RGP1: variants seen among roughly 807,000 people sequenced by gnomAD.
The protein encoded by RGP1 is RAB6A-GEF complex partner protein 2.
RGP1 carries 28 observed loss-of-function variants against 44.5 expected under a neutral mutation model. The observed-to-expected ratio is 0.63, with a 90% CI of 0.47 to 0.86. The LOEUF (loss-of-function observed/expected upper bound fraction) is 0.86, where lower values mean the gene tolerates loss of function less well. Ranked by LOEUF, RGP1 falls within the 40% of genes least tolerant of loss-of-function variation. The probability of loss-of-function intolerance (pLI) is 0.00; values close to 1 mark genes in which losing one functional copy is unlikely to be tolerated. For synonymous variants in RGP1, 212 were observed against 196.7 expected (o/e 1.08, Z -0.65); for missense variants, 417 against 490.7 (o/e 0.85, Z 1.42).
At chr9:35,763,445 A>G (rs536364334), downstream of RGP1, among the ~76,000 whole-genome samples, 13 of 152,358 alleles carry the variant, frequency 8.5e-5, no homozygotes, top group East Asian at 2.5e-3. Context: ...TTAATCAGGC[A>G]TGACAAGAAG....
chr9:35,750,441 C>T (rs1827229126), intron 3 of RGP1, 62 bp downstream of exon 3: 3 of 1,567,898 alleles, frequency 1.9e-6, no homozygotes, highest in African/African-American at 1.4e-5. Context: ...GAGGCATTGT[C>T]ACCCATGGGT....
rs1827269372 is a variant in RGP1 at position 35,751,762 on chromosome 9, G to A, written c.762+8G>A. ...ACCGTAGCTTGTTTGCAGGTAAGAA[G>A]GGAGCAGAGCTTCTTACCTGCTGGG... On this transcript the variant is annotated splice_region_variant and intron_variant, in intron 7 of 8. Transcript: ENST00000378078. 1 of 1,613,772 alleles carries A rather than the reference G, an allele frequency of 6.2e-7. No individual in the cohort carries two copies. Among genetic ancestry groups the A allele is most frequent in the African/African-American group, 1.3e-5 (1 of 74,890 alleles).
At position 35,749,706 on chromosome 9, in the gene RGP1, C is replaced by T. The variant is rs761233194; in HGVS notation, c.-19-31C>T. On this transcript the variant is annotated intron_variant, in intron 1 of 8. Coordinates refer to ENST00000378078, the MANE Select transcript of RGP1 (RefSeq NM_001080496.3). The surrounding 1 kb of genome is among the most constrained non-coding windows in gnomAD (Gnocchi z 4.4). ...CGCAACGCCCCTCCCTGTCAAGGTGCTGACCTCCGCCCCGCCTTGTTTCCT... is the reference window on the plus strand; with the variant it reads ...CGCAACGCCCCTCCCTGTCAAGGTGTTGACCTCCGCCCCGCCTTGTTTCCT... 1 of 1,370,822 alleles carries T rather than the reference C, an allele frequency of 7.3e-7. No homozygotes were observed. The highest frequency in any genetic ancestry group is 1.0e-6 in the Non-Finnish European group (1 of 966,804). 84.9% of individuals were successfully genotyped at this position (1,370,822 alleles called of 1,614,324 possible).
At chr9:35,780,075 C>T in the RGP1 span, among the ~76,000 whole-genome samples, 26 of 152,284 alleles carry the variant, frequency 1.7e-4, no homozygotes, top group East Asian at 4.8e-3. Flanking sequence ...AACAGGTTGG[C>T]ATGGTCTGTC....
chr9:35,750,884 C>A lies in RGP1; in HGVS notation c.382C>A (p.Arg128=), dbSNP rs373690510. The A allele has an allele frequency of 2.0e-5, 33 of 1,613,890 alleles. No individual in the cohort carries two copies. In the South Asian group the frequency reaches 3.4e-4, roughly 17 times the overall value. ...GCCCATAGAGGGACCACCCTCCTTT[C>A]GGGGTCAGTCAGTCAAGTACGTCTA... ...VLPIEGPPSF[R]GQSVKYVYKL... is the part of the protein sequence containing the mutation. The change falls in exon 5 of 9, where the codon CGG becomes AGG. Residue 128 remains arginine (R), a synonymous_variant. Coordinates refer to ENST00000378078, the MANE Select transcript of RGP1 (RefSeq NM_001080496.3).
rs1345932316 is a variant in RGP1, at chr9:35,752,885, C to G, written c.*11C>G. Reference sequence around the variant, plus strand: ...ACCATAACCATCTGAAACTGGCCCACCCTGGTGCTAGTTCCTTCCGGATAC... The same window carrying G: ...ACCATAACCATCTGAAACTGGCCCAGCCTGGTGCTAGTTCCTTCCGGATAC... On this transcript the variant is annotated 3_prime_UTR_variant, in exon 9 of 9. Coordinates refer to ENST00000378078, the MANE Select transcript of RGP1 (RefSeq NM_001080496.3). 1.2e-6 allele frequency: 2 copies of G among 1,611,894 alleles called. No homozygotes were observed. The highest frequency in any genetic ancestry group is 2.7e-5 in the African/African-American group (2 of 75,000).
intron 5 of RGP1, 93 bp from the exon 6 acceptor site, chr9:35,751,173 C>G (rs1170180230): frequency 1.3e-6 from 2 of 1,521,938 alleles, no homozygotes; most frequent in Non-Finnish European, 1.8e-6. Flanking sequence ...CACCCCTTAC[C>G]TTTAGCCATC....
chr9:35,783,543 T>G, the RGP1 span, among the ~76,000 whole-genome samples: 2 of 152,174 alleles, frequency 1.3e-5, no homozygotes, highest in Non-Finnish European at 2.9e-5. Context: ...TTTGTTTTTT[T>G]TTTTAGATTC....
Position 35,751,346 on chromosome 9 carries a change from A to G in RGP1, c.568A>G (p.Lys190Glu), listed in dbSNP as rs1248307873. Reference sequence around the variant, plus strand: ...CTTGGAGGAGGATGAAGGTGGGAAGAAAGATTCATGGCTAGCTGAGCTGGC... The same window carrying G: ...CTTGGAGGAGGATGAAGGTGGGAAGGAAGATTCATGGCTAGCTGAGCTGGC... ...PFLEEDEGGKKDSWLAELAGE... is the reference protein window; with the variant it reads ...PFLEEDEGGKEDSWLAELAGE... Residue 190 changes from lysine (K) to glutamate (E), a missense_variant, in exon 6 of 9, where the codon AAA becomes GAA. Lys to Glu is a moderately conservative substitution (Grantham distance 56, BLOSUM62 1). Transcript: ENST00000378078. The G allele has an allele frequency of 8.1e-6, 13 of 1,613,996 alleles. No individual in the cohort carries two copies. The highest frequency in any genetic ancestry group is 1.1e-5 in the Non-Finnish European group (13 of 1,179,886).
At chr9:35,770,343 G>T in the RGP1 span, among the ~76,000 whole-genome samples, 1 of 152,178 alleles carries the variant, frequency 6.6e-6, no homozygotes, top group South Asian at 2.1e-4. Flanking sequence ...TTGTTTGGAT[G>T]TTGAGTTCAA....
the RGP1 span, among the ~76,000 whole-genome samples, chr9:35,787,487 C>T: frequency 6.6e-6 from 1 of 152,216 alleles, no homozygotes; most frequent in Non-Finnish European, 1.5e-5. Context: ...GCCTTGGCCT[C>T]CCAAAGTGCT....
the RGP1 span, among the ~76,000 whole-genome samples, chr9:35,772,739 C>G: frequency 6.7e-6 from 1 of 148,442 alleles, no homozygotes; most frequent in Admixed American, 6.8e-5. Flanking sequence ...TGCAGTGAGC[C>G]GAGATCGGAC....
downstream of RGP1, among the ~76,000 whole-genome samples, chr9:35,761,567 G>T (rs533306076): frequency 5.6e-3 from 857 of 152,184 alleles, 11 homozygotes; most frequent in African/African-American, 0.02. Flanking sequence ...TCGGCTACTT[G>T]GGAGGCTCAG....
rs533715623 is a variant in RGP1 at position 35,756,504 on chromosome 9, G to C, written c.*3630G>C. ...TGCCAAGAAAAAACTCACAGTTGAG[G>C]CAGGGTGCTCTGAGGTCGGCTGCGG... On this transcript the variant is annotated 3_prime_UTR_variant, in exon 9 of 9. Coordinates refer to ENST00000378078, the MANE Select transcript of RGP1 (RefSeq NM_001080496.3). 6.5e-6 allele frequency: 1 copy of C among 152,898 alleles called. No homozygotes were observed. The highest frequency in any genetic ancestry group is 2.1e-4 in the South Asian group (1 of 4,840). The allele number at this position is 152,898 out of a possible 1,614,324, so 9.5% of individuals were successfully genotyped here.
chr9:35,775,575 G>A, the RGP1 span, among the ~76,000 whole-genome samples: 1 of 151,916 alleles, frequency 6.6e-6, no homozygotes, highest in Non-Finnish European at 1.5e-5. Context: ...GGGAAGGAGC[G>A]CCACCATTTA....
chr9:35,782,865 A>G, the RGP1 span, among the ~76,000 whole-genome samples: 1 of 150,412 alleles, frequency 6.6e-6, no homozygotes, highest in African/African-American at 2.5e-5. Flanking sequence ...CTGGAGTGCA[A>G]TGGTGTGATC....
In RGP1 at chr9:35,749,876, G is replaced by A. The variant is rs747302049; in HGVS notation, c.116+5G>A. On this transcript the variant is annotated splice_donor_5th_base_variant and intron_variant, in intron 2 of 8. Coordinates refer to ENST00000378078, the MANE Select transcript of RGP1 (RefSeq NM_001080496.3). This position sits in a 1 kb window ranked among gnomAD's most constrained non-coding sequence, Gnocchi z 4.4. ...CACGGCCACTTCTGCATCCAGGTGG[G>A]GATGCTGGCACTGAAGGTGGTGGCC... 4 of 1,601,080 alleles carry A rather than the reference G, an allele frequency of 2.5e-6. No homozygotes were observed. Among genetic ancestry groups the A allele is most frequent in the Non-Finnish European group, 3.4e-6 (4 of 1,169,508 alleles).
rs372946361 is a variant in RGP1, at chr9:35,753,223, G to T, written c.*349G>T. On this transcript the variant is annotated 3_prime_UTR_variant, in exon 9 of 9. Transcript: ENST00000378078. This position sits in a 1 kb window ranked among gnomAD's most constrained non-coding sequence, Gnocchi z 4.2. The stretch of plus-strand genomic sequence containing the variant: ...ATTTTTGCACCAAGGAGAACTGGCA[G>T]GTTCCTGCCTCCTGACGTACCTCAC... 8 of 1,614,208 alleles carry T rather than the reference G, an allele frequency of 5.0e-6. No homozygotes were observed. Among genetic ancestry groups the T allele is most frequent in the Non-Finnish European group, 6.8e-6 (8 of 1,180,022 alleles).
chr9:35,752,579 A>C, intron 8 of RGP1, 72 bp from the exon 9 acceptor site: 1 of 1,241,954 alleles, frequency 8.1e-7, no homozygotes, highest in Non-Finnish European at 1.2e-6. Flanking sequence ...CTCATTCACT[A>C]ACTATATCCT....
Sources: gnomAD v4.1 joint callset for allele counts (sites outside exome capture counted in the v4.1 genomes callset) on GRCh38, gnomAD v4.1.1 for gene constraint, Gnocchi (gnomAD v3.1) non-coding constraint, MANE v1.5 for transcripts, NCBI Gene and HGNC (gene_info 2026-07-23, HGNC 2026-07-21) for gene names.